Variants in SYT1 observed in about 807,000 individuals in gnomAD.
The protein encoded by SYT1 is synaptotagmin 1.
SYT1 carries 8 observed loss-of-function variants against 44.8 expected under a neutral mutation model. That is an observed-to-expected ratio of 0.18 (90% CI 0.10 to 0.32). The LOEUF is 0.32. Among genes scored for constraint, SYT1 ranks in the 10% least tolerant of loss-of-function variants. The pLI is 1.00. For missense variants in SYT1, 286 were observed against 509.3 expected, an observed-to-expected ratio of 0.56 and a Z score of 4.22; for synonymous variants, 154 against 188.8, an observed-to-expected ratio of 0.82 and a Z score of 1.51.
chr12:78,915,291 C>T (rs902369910), intron 1 of SYT1, among the ~76,000 whole-genome samples: 2 of 152,000 alleles, frequency 1.3e-5, no homozygotes, highest in African/African-American at 2.4e-5. Context: ...CCAGGCCCCT[C>T]CTCAGGGCCT....
chr12:78,963,076 GTCTTATTTCACTTAGTGTAATA>G, intron 1 of SYT1, among the ~76,000 whole-genome samples: 1 of 152,000 alleles, frequency 6.6e-6, no homozygotes, highest in South Asian at 2.1e-4. Flanking sequence ...TTCTGTGACT[GTCTTATTTCACTTAGTGTAATA>G]TCCTCAAGTG....
chr12:79,045,466 G>A (rs1046003825), intron 2 of SYT1: 24 of 154,890 alleles, frequency 1.5e-4, no homozygotes, highest in Non-Finnish European at 2.7e-4. Context: ...GCAATGCCTC[G>A]CCCCTGTTTC....
At chr12:78,890,877 C>A (rs1397373438) in intron 1 of SYT1, among the ~76,000 whole-genome samples, 1 of 151,882 alleles carries the variant, frequency 6.6e-6, no homozygotes, top group Non-Finnish European at 1.5e-5. Flanking sequence ...TGAAGAGTAA[C>A]CATCTGCTAG....
intron 2 of SYT1, among the ~76,000 whole-genome samples, chr12:78,992,638 C>T (rs941417606): frequency 1.1e-4 from 17 of 152,094 alleles, no homozygotes; most frequent in Non-Finnish European, 1.9e-4. Flanking sequence ...CAGAATTGGA[C>T]CATCTAGTAC....
intron 3 of SYT1, among the ~76,000 whole-genome samples, chr12:79,159,541 CTTA>C (rs1415773511): frequency 6.6e-6 from 1 of 152,078 alleles, no homozygotes; most frequent in Non-Finnish European, 1.5e-5. Flanking sequence ...ATTGTTCTAT[CTTA>C]TTATGGTAAT....
intron 2 of SYT1, among the ~76,000 whole-genome samples, chr12:78,997,430 C>A (rs1031980284): frequency 2.6e-5 from 4 of 152,078 alleles, no homozygotes; most frequent in Non-Finnish European, 5.9e-5. Flanking sequence ...GGCTAAATTG[C>A]CTTATATTCT....
chr12:79,114,463 G>A (rs1423397594), intron 3 of SYT1, among the ~76,000 whole-genome samples: 1 of 152,076 alleles, frequency 6.6e-6, no homozygotes, highest in Non-Finnish European at 1.5e-5. Context: ...GGGAGGTAAG[G>A]GGGCTGATGC....
intron 8 of SYT1, among the ~76,000 whole-genome samples, chr12:79,334,698 C>T (rs935173174): frequency 6.6e-6 from 1 of 152,132 alleles, no homozygotes; most frequent in African/African-American, 2.4e-5. Flanking sequence ...GCTTAATCTC[C>T]TTTGATATTT....
chr12:79,333,618 A>G (rs1454814701), intron 8 of SYT1, among the ~76,000 whole-genome samples: 3 of 152,156 alleles, frequency 2.0e-5, no homozygotes, highest in African/African-American at 7.2e-5. Context: ...CAGCCACTCA[A>G]TGTCTTTAAA....
chr12:79,427,439 T>C (rs1001180425), intron 9 of SYT1, among the ~76,000 whole-genome samples: 12 of 152,310 alleles, frequency 7.9e-5, no homozygotes, highest in South Asian at 2.1e-4. Context: ...GAAGTGATCA[T>C]TGAGGACCCA....
At chr12:79,100,991 A>G (rs1878413635) in intron 3 of SYT1, among the ~76,000 whole-genome samples, 1 of 152,184 alleles carries the variant, frequency 6.6e-6, no homozygotes, top group Admixed American at 6.5e-5. Context: ...AAACATTCCA[A>G]TCTTATTTTG....
intron 4 of SYT1, among the ~76,000 whole-genome samples, chr12:79,271,426 C>T (rs1293903570): frequency 1.3e-5 from 2 of 151,960 alleles, no homozygotes; most frequent in Non-Finnish European, 2.9e-5. Flanking sequence ...CCTATTAGGC[C>T]ATGTAGATTT....
chr12:79,310,267 A>G (rs932000685), intron 8 of SYT1, among the ~76,000 whole-genome samples: 3 of 152,128 alleles, frequency 2.0e-5, no homozygotes, highest in Non-Finnish European at 4.4e-5. Context: ...CATTTATTAA[A>G]TAGGGAATCC....
chr12:79,331,583 A>G (rs1016429291), intron 8 of SYT1, among the ~76,000 whole-genome samples: 1 of 152,150 alleles, frequency 6.6e-6, no homozygotes, highest in Non-Finnish European at 1.5e-5. Flanking sequence ...TATGCATTTT[A>G]AAGCAATAGA....
intron 3 of SYT1, among the ~76,000 whole-genome samples, chr12:79,096,283 T>C (rs1244500713): frequency 6.6e-6 from 1 of 151,960 alleles, no homozygotes; most frequent in South Asian, 2.1e-4. Flanking sequence ...TAGATAGATG[T>C]AAATTTCTTT....
intron 1 of SYT1, among the ~76,000 whole-genome samples, chr12:78,941,865 G>A (rs959069647): frequency 4.6e-5 from 7 of 152,174 alleles, no homozygotes; most frequent in African/African-American, 1.7e-4. Flanking sequence ...GAAAAGAGAG[G>A]GAAGGGCTGA....
chr12:79,187,588 GCATATT>G (rs1443814219), intron 3 of SYT1, among the ~76,000 whole-genome samples: 4 of 152,066 alleles, frequency 2.6e-5, no homozygotes, highest in Non-Finnish European at 5.9e-5. Flanking sequence ...ATATTTCATT[GCATATT>G]CATGTATCAC....
chr12:79,279,299 G>A (rs553405082), intron 4 of SYT1, among the ~76,000 whole-genome samples: 14 of 151,894 alleles, frequency 9.2e-5, no homozygotes, highest in Non-Finnish European at 1.9e-4. Context: ...TTAATTCACC[G>A]CAATCAAGTG....
chr12:79,237,821 G>T (rs1876276112), intron 4 of SYT1, among the ~76,000 whole-genome samples: 1 of 152,112 alleles, frequency 6.6e-6, no homozygotes, highest in East Asian at 1.9e-4. Flanking sequence ...TTATAATTTT[G>T]CTAACCCTAT....
Sources: gnomAD v4.1 joint callset for allele counts (sites outside exome capture counted in the v4.1 genomes callset) on GRCh38, gnomAD v4.1.1 for gene constraint, MANE v1.5 for transcripts, NCBI Gene and HGNC (gene_info 2026-07-23, HGNC 2026-07-21) for gene names.